Variants in PCDHGA10 observed in about 807,000 individuals in gnomAD.
PCDHGA10 encodes the protein protocadherin gamma-A10.
A neutral mutation model predicts 59.5 loss-of-function variants in PCDHGA10; 42 were observed. That is an observed-to-expected ratio of 0.71 (90% CI 0.55 to 0.91). The LOEUF is 0.91. Among genes scored for constraint, PCDHGA10 ranks in the 40% least tolerant of loss-of-function variants. The pLI, the probability that PCDHGA10 is intolerant of heterozygous loss-of-function variation, is 0.00. For missense variants in PCDHGA10, 1,111 were observed against 1,198.2 expected, an observed-to-expected ratio of 0.93 and a Z score of 1.07; for synonymous variants, 511 against 517.2, an observed-to-expected ratio of 0.99 and a Z score of 0.16.
At chr5:141,473,750 G>A (rs777343462) in intron 1 of PCDHGA10, among the ~76,000 whole-genome samples, 3 of 152,192 alleles carry the variant, frequency 2.0e-5, no homozygotes, top group Non-Finnish European at 4.4e-5. Context: ...TGAGAACTTG[G>A]ATACTATGCA....
chr5:141,486,189 A>T lies in PCDHGA10; in HGVS notation c.2437-8618A>T, dbSNP rs761466492. 6.2e-7 allele frequency: 1 copy of T among 1,614,062 alleles called. No individual in the cohort carries two copies. Among genetic ancestry groups the T allele is most frequent in the Non-Finnish European group, 8.5e-7 (1 of 1,179,994 alleles). ...GAGCAACATTGCAGCCTTCGAGTGG[A>T]TCTGCTGGACGTAAATGACAATGCC... is the stretch of plus-strand genomic sequence containing the variant. On this transcript the variant is annotated intron_variant, in intron 1 of 3. Coordinates refer to ENST00000398610, the MANE Select transcript of PCDHGA10 (RefSeq NM_018913.3). The surrounding 1 kb of genome is among the most constrained non-coding windows in gnomAD (Gnocchi z 5.0).
At chr5:141,457,820 C>CTCAG (rs2098930320) in intron 1 of PCDHGA10, among the ~76,000 whole-genome samples, 1 of 152,198 alleles carries the variant, frequency 6.6e-6, no homozygotes, top group African/African-American at 2.4e-5. Flanking sequence ...CCAAGATAAA[C>CTCAG]TCAGAGCTTC....
intron 3 of PCDHGA10, among the ~76,000 whole-genome samples, chr5:141,506,866 T>C (rs1182560001): frequency 2.6e-5 from 4 of 152,104 alleles, no homozygotes; most frequent in Admixed American, 2.6e-4. Context: ...GACTGGTGGG[T>C]AGAGAACCAG....
rs200601557 is a variant in PCDHGA10, at chr5:141,432,538, G to A, written c.2436+16927G>A. 5.0e-6 allele frequency: 8 copies of A among 1,613,908 alleles called. No homozygotes were observed. The highest frequency in any genetic ancestry group is 1.7e-5 in the Admixed American group (1 of 60,012). On this transcript the variant is annotated intron_variant, in intron 1 of 3. Coordinates refer to ENST00000398610, the MANE Select transcript of PCDHGA10 (RefSeq NM_018913.3). The surrounding 1 kb of genome is among the most constrained non-coding windows in gnomAD (Gnocchi z 6.0). ...GCTACCTGGTGACCAAGGTGGTGGCGGTGGACAGAGACTCCGGCCAGAACG... is the reference window on the plus strand; with the variant it reads ...GCTACCTGGTGACCAAGGTGGTGGCAGTGGACAGAGACTCCGGCCAGAACG...
intron 2 of PCDHGA10, 143 bp from the exon 3 acceptor site, chr5:141,505,250 T>C: frequency 2.8e-6 from 4 of 1,439,476 alleles, no homozygotes; most frequent in Non-Finnish European, 9.3e-7. Flanking sequence ...ATTGTAGAAG[T>C]GCCTCCTACC....
At position 141,477,681 on chromosome 5, in the gene PCDHGA10, T is replaced by C; in HGVS notation, c.2437-17126T>C. On this transcript the variant is annotated intron_variant, in intron 1 of 3. Coordinates refer to ENST00000398610, the MANE Select transcript of PCDHGA10 (RefSeq NM_018913.3). The surrounding 1 kb of genome is among the most constrained non-coding windows in gnomAD (Gnocchi z 4.9). The stretch of plus-strand genomic sequence containing the variant: ...CGTGACAATGGCATAGTGTCATCCT[T>C]AGTGCCCCTAGACTATGAGGATCGG... 6.2e-7 allele frequency: 1 copy of C among 1,614,180 alleles called. No individual in the cohort carries two copies. The highest frequency in any genetic ancestry group is 8.5e-7 in the Non-Finnish European group (1 of 1,180,046).
At chr5:141,504,302 C>T (rs969760258) in intron 2 of PCDHGA10, among the ~76,000 whole-genome samples, 9 of 152,004 alleles carry the variant, frequency 5.9e-5, no homozygotes, top group African/African-American at 1.5e-4. Context: ...TTTCAACACT[C>T]GGAGTTTCTA....
chr5:141,489,635 G>T lies in PCDHGA10; in HGVS notation c.2437-5172G>T, dbSNP rs1380466520. On this transcript the variant is annotated intron_variant, in intron 1 of 3. Coordinates refer to ENST00000398610, the MANE Select transcript of PCDHGA10 (RefSeq NM_018913.3). This position sits in a 1 kb window ranked among gnomAD's most constrained non-coding sequence, Gnocchi z 4.5. ...CTGGATCTCAATGACAACTCTCCTA[G>T]CTTTGCCACCCCTGAGCGAGAGATG... 1.2e-6 allele frequency: 2 copies of T among 1,614,024 alleles called. No homozygotes were observed. The highest frequency in any genetic ancestry group is 2.7e-5 in the African/African-American group (2 of 74,908).
intron 2 of PCDHGA10, among the ~76,000 whole-genome samples, chr5:141,500,359 C>T (rs2099799599): frequency 6.6e-6 from 1 of 152,032 alleles, no homozygotes; most frequent in Non-Finnish European, 1.5e-5. Flanking sequence ...CAGGCGCCCA[C>T]TACCACGCCC....
In PCDHGA10 at chr5:141,415,040, C is replaced by T. The variant is rs772941952; in HGVS notation, c.1865C>T (p.Ala622Val). 5.0e-6 allele frequency: 8 copies of T among 1,613,520 alleles called. No homozygotes were observed. Among genetic ancestry groups the T allele is most frequent in the South Asian group, 1.1e-5 (1 of 91,068 alleles). Residue 622 changes from alanine (A) to valine (V), a missense_variant, in exon 1 of 4, where the codon GCG (alanine) becomes GTG (valine). Transcript: ENST00000398610. ...LLKASEPGLFAVGEHTGEVRT... is the reference protein window; with the variant it reads ...LLKASEPGLFVVGEHTGEVRT... ...AAGGCCAGCGAGCCGGGACTCTTCG[C>T]GGTGGGGGAGCACACGGGCGAGGTG...
At chr5:141,427,306 A>G (rs1023837851) in intron 1 of PCDHGA10, 6 of 456,826 alleles carry the variant, frequency 1.3e-5, no homozygotes, top group African/African-American at 1.2e-4. Flanking sequence ...GAGAATGACA[A>G]TGCCCCAGAC....
chr5:141,421,402 G>A (rs2096569907), intron 1 of PCDHGA10: 1 of 1,614,076 alleles, frequency 6.2e-7, no homozygotes, highest in Non-Finnish European at 8.5e-7. Context: ...GGAGCCCCGG[G>A]AGCTGGCGAA....
intron 2 of PCDHGA10, among the ~76,000 whole-genome samples, chr5:141,499,370 AT>A (rs932083472): frequency 2.0e-5 from 3 of 152,170 alleles, no homozygotes. Context: ...TAGCAACTTA[AT>A]TTTTTTCCAC....
chr5:141,433,299 T>G, intron 1 of PCDHGA10: 1 of 995,012 alleles, frequency 1.0e-6, no homozygotes, highest in Non-Finnish European at 1.5e-6. Flanking sequence ...GCTCAAGCAA[T>G]TATCCCACCT....
In PCDHGA10 at chr5:141,432,647, C is replaced by T; in HGVS notation, c.2436+17036C>T. On this transcript the variant is annotated intron_variant, in intron 1 of 3. Coordinates refer to ENST00000398610, the MANE Select transcript of PCDHGA10 (RefSeq NM_018913.3). This position sits in a 1 kb window ranked among gnomAD's most constrained non-coding sequence, Gnocchi z 6.0. ...GCACACGGGCGAGGTGCGCACGGCG[C>T]GAGCCCTGCTGGACAGAGACGCGCT... 3 of 1,613,796 alleles carry T rather than the reference C, an allele frequency of 1.9e-6. No homozygotes were observed. Among genetic ancestry groups the T allele is most frequent in the Admixed American group, 1.7e-5 (1 of 60,008 alleles).
intron 2 of PCDHGA10, among the ~76,000 whole-genome samples, chr5:141,500,775 T>C (rs1251282826): frequency 6.6e-6 from 1 of 152,218 alleles, no homozygotes; most frequent in Non-Finnish European, 1.5e-5. Context: ...CTTATGAATA[T>C]ACATATTATT....
chr5:141,478,040 C>G (rs773058963), intron 1 of PCDHGA10: 1 of 1,614,160 alleles, frequency 6.2e-7, no homozygotes, highest in Non-Finnish European at 8.5e-7. Context: ...TTCACCCAGG[C>G]AGACTCTCAC....
intron 1 of PCDHGA10, among the ~76,000 whole-genome samples, chr5:141,437,526 G>A (rs1199002765): frequency 1.3e-5 from 2 of 152,160 alleles, no homozygotes; most frequent in East Asian, 3.8e-4. Context: ...GATGACAAAT[G>A]AGCAAATTGT....
rs1561758242 is a variant in PCDHGA10, at chr5:141,415,543, G to A, written c.2368G>A (p.Glu790Lys). 1 of 1,614,130 alleles carries A rather than the reference G, an allele frequency of 6.2e-7. No homozygotes were observed. The highest frequency in any genetic ancestry group is 2.2e-5 in the East Asian group (1 of 44,872). The change falls in exon 1 of 4, where the codon GAG becomes AAG. Residue 790 changes from glutamate to lysine, a missense_variant. Physicochemically the swap from Glu to Lys is moderately conservative, Grantham distance 56 (BLOSUM62 1). Coordinates refer to ENST00000398610, the MANE Select transcript of PCDHGA10 (RefSeq NM_018913.3). ...ADTLISQESC[E>K]KNDPLSLLDD... is the part of the protein sequence containing the mutation. ...CACGCTCATCAGCCAGGAGAGCTGT[G>A]AGAAAAACGATCCTTTGTCTTTGTT...
Sources: gnomAD v4.1 joint callset for allele counts (sites outside exome capture counted in the v4.1 genomes callset) on GRCh38, gnomAD v4.1.1 for gene constraint, Gnocchi (gnomAD v3.1) non-coding constraint, MANE v1.5 for transcripts, NCBI Gene and HGNC (gene_info 2026-07-23, HGNC 2026-07-21) for gene names.